PTPRD: variants seen among roughly 807,000 people sequenced by gnomAD.
PTPRD encodes the protein protein tyrosine phosphatase receptor type D.
In PTPRD, 34 loss-of-function variants were observed where a neutral mutation model predicts 214.5. The ratio of observed to expected loss-of-function variants is 0.16; its 90% CI spans 0.12 to 0.21. PTPRD has a LOEUF of 0.21. PTPRD is among the 10% of genes least tolerant of loss of function. The probability of loss-of-function intolerance (pLI) is 1.00; values close to 1 mark genes in which losing one functional copy is unlikely to be tolerated. For synonymous variants in PTPRD, 1,128 were observed against 845.7 expected (o/e 1.33, Z -5.79); for missense variants, 2,545 against 2,398.7 (o/e 1.06, Z -1.27).
chr9:9,123,473 A>T (rs1483922323), intron 10 of PTPRD, among the ~76,000 whole-genome samples: 1 of 152,226 alleles, frequency 6.6e-6, no homozygotes, highest in Non-Finnish European at 1.5e-5. Flanking sequence ...GGCTTATTGT[A>T]GTCCAGATTA....
intron 2 of PTPRD, among the ~76,000 whole-genome samples, chr9:10,517,618 G>A (rs1025815735): frequency 2.6e-5 from 4 of 151,940 alleles, no homozygotes; most frequent in Non-Finnish European, 4.4e-5. Flanking sequence ...GTATATATAT[G>A]AATGTATCAA....
intron 39 of PTPRD, among the ~76,000 whole-genome samples, chr9:8,373,587 G>T (rs978677704): frequency 6.6e-6 from 1 of 150,984 alleles, no homozygotes; most frequent in Admixed American, 6.6e-5. Context: ...GGTGAGTCCA[G>T]GTGGCTTAAC....
At chr9:10,572,584 T>TG (rs2067815038) in intron 2 of PTPRD, among the ~76,000 whole-genome samples, 2 of 152,120 alleles carry the variant, frequency 1.3e-5, no homozygotes, top group Admixed American at 1.3e-4. Context: ...AGCATGTAGA[T>TG]GGGGGAGGAA....
chr9:9,082,461 A>G (rs1316620211), intron 10 of PTPRD, among the ~76,000 whole-genome samples: 1 of 152,136 alleles, frequency 6.6e-6, no homozygotes, highest in Non-Finnish European at 1.5e-5. Flanking sequence ...TTTTAAAACA[A>G]TAAGAGGTAT....
At chr9:9,046,998 T>C (rs554428770) in intron 10 of PTPRD, among the ~76,000 whole-genome samples, 66 of 152,274 alleles carry the variant, frequency 4.3e-4, no homozygotes, top group African/African-American at 1.4e-3. Flanking sequence ...GCAGATGGTA[T>C]GATCTTATAT....
intron 14 of PTPRD, among the ~76,000 whole-genome samples, chr9:8,579,503 C>T (rs768316387): frequency 2.0e-5 from 3 of 152,132 alleles, no homozygotes; most frequent in Non-Finnish European, 4.4e-5. Context: ...TTATTGATCA[C>T]CTGCTCATGC....
chr9:10,228,896 T>C (rs555018480), intron 3 of PTPRD, among the ~76,000 whole-genome samples: 69 of 151,982 alleles, frequency 4.5e-4, no homozygotes, highest in African/African-American at 1.6e-3. Context: ...CAGAATATTT[T>C]CAAACTGTAA....
chr9:9,210,916 C>T (rs1183584366), intron 9 of PTPRD, among the ~76,000 whole-genome samples: 1 of 149,778 alleles, frequency 6.7e-6, no homozygotes, highest in African/African-American at 2.5e-5. Flanking sequence ...CTTATAGGTT[C>T]TATTTTCCTA....
chr9:10,502,215 A>G (rs2043998395), intron 2 of PTPRD, among the ~76,000 whole-genome samples: 1 of 151,938 alleles, frequency 6.6e-6, no homozygotes, highest in Non-Finnish European at 1.5e-5. Flanking sequence ...AAAAAGATGA[A>G]GAAGAAAAAT....
chr9:8,951,320 C>CT (rs35028756), intron 11 of PTPRD, among the ~76,000 whole-genome samples: 6,576 of 128,294 alleles, frequency 0.051, 329 homozygotes, highest in South Asian at 0.21. Flanking sequence ...CTGGATCCTC[C>CT]TTTTTTTTTT....
intron 3 of PTPRD, among the ~76,000 whole-genome samples, chr9:10,218,428 A>G (rs761751645): frequency 6.6e-6 from 1 of 151,858 alleles, no homozygotes. Context: ...TATGTATCTT[A>G]TGGGGGCAGC....
chr9:8,341,208 T>C lies in PTPRD; in HGVS notation c.5008A>G (p.Lys1670Glu). The C allele has an allele frequency of 6.2e-7, 1 of 1,613,208 alleles. No individual in the cohort carries two copies. The highest frequency in any genetic ancestry group is 8.5e-7 in the Non-Finnish European group (1 of 1,179,492). Residue 1670 changes from lysine (K) to glutamate (E), a missense_variant, in exon 41 of 46, where the codon AAA becomes GAA. Physicochemically the swap from Lys to Glu is moderately conservative, Grantham distance 56. Transcript: ENST00000381196. ...ATATTAACAAGGCGATTTTTGAATT[T>C]ATTACATGGAAGATTGGCACTGATA... is the stretch of plus-strand genomic sequence containing the variant. ...RFISANLPCN[K>E]FKNRLVNIMP...
At chr9:8,559,848 T>A (rs1338851981) in intron 14 of PTPRD, among the ~76,000 whole-genome samples, 1 of 152,246 alleles carries the variant, frequency 6.6e-6, no homozygotes, top group African/African-American at 2.4e-5. Flanking sequence ...ATTATCAATG[T>A]ACATGGATAG....
At chr9:8,500,272 T>C (rs2097365634) in intron 24 of PTPRD, among the ~76,000 whole-genome samples, 1 of 151,936 alleles carries the variant, frequency 6.6e-6, no homozygotes, top group Non-Finnish European at 1.5e-5. Flanking sequence ...TTATATGTAT[T>C]ATCTTCTCTT....
At position 8,486,355 on chromosome 9, in the gene PTPRD, G is replaced by A. The variant is rs183119115; in HGVS notation, c.2468-6C>T. ...AAGCCGAGGTTTCCCTGGAACTGGA[G>A]CACATGGGATGGAGTGGTAAGACCA... is the stretch of plus-strand genomic sequence containing the variant. On this transcript the variant is annotated splice_region_variant and splice_polypyrimidine_tract_variant and intron_variant, in intron 27 of 45. Transcript: ENST00000381196. The A allele has an allele frequency of 2.9e-3, 4,647 of 1,612,832 alleles. 11 individuals are homozygous for A. The highest frequency in any genetic ancestry group is 3.6e-3 in the Non-Finnish European group (4,217 of 1,178,866).
chr9:9,447,438 T>G (rs1211938315), intron 8 of PTPRD, among the ~76,000 whole-genome samples: 2 of 117,656 alleles, frequency 1.7e-5, no homozygotes, highest in Non-Finnish European at 3.9e-5. Context: ...CCGTATGTTC[T>G]CACTTATATG....
intron 12 of PTPRD, among the ~76,000 whole-genome samples, chr9:8,668,617 G>T (rs1002853268): frequency 1.4e-4 from 21 of 152,140 alleles, no homozygotes; most frequent in African/African-American, 4.8e-4. Flanking sequence ...ATTATATAAA[G>T]AGATGGTGAA....
chr9:9,010,362 A>G (rs1176617385), intron 11 of PTPRD, among the ~76,000 whole-genome samples: 2 of 152,162 alleles, frequency 1.3e-5, no homozygotes, highest in Non-Finnish European at 2.9e-5. Flanking sequence ...TTGACATGCT[A>G]TAGGATATTC....
chr9:8,605,787 G>A (rs1165742463), intron 14 of PTPRD, among the ~76,000 whole-genome samples: 1 of 152,136 alleles, frequency 6.6e-6, no homozygotes, highest in Non-Finnish European at 1.5e-5. Flanking sequence ...AGGCCTTTCT[G>A]CTCATCTCTA....
Sources: gnomAD v4.1 joint callset for allele counts (sites outside exome capture counted in the v4.1 genomes callset) on GRCh38, gnomAD v4.1.1 for gene constraint, MANE v1.5 for transcripts, NCBI Gene and HGNC (gene_info 2026-07-23, HGNC 2026-07-21) for gene names.